The following HDGFL1 variants were observed in gnomAD, a reference collection of about 807,000 sequenced individuals.
HDGFL1 encodes the protein HDGF like 1, also known as hepatoma-derived growth factor-like protein 1.
For synonymous variants in HDGFL1, 190 were observed against 165.1 expected (o/e 1.15, Z -1.16); for missense variants, 422 against 365.3 (o/e 1.16, Z -1.27).
Position 22,571,179 on chromosome 6 carries a change from C to G in HDGFL1, c.*848C>G, listed in dbSNP as rs1760917984. On this transcript the variant is annotated 3_prime_UTR_variant, in exon 1 of 1. Coordinates refer to ENST00000510882, the MANE Select transcript of HDGFL1 (RefSeq NM_138574.4). ...TTCTCTCCCCACAGCCTCAAGGCCA[C>G]CCTACCGTCATATATATCACTCAGG... The G allele has an allele frequency of 6.0e-6, 1 of 167,168 alleles. No homozygotes were observed. The allele number at this position is 167,168 out of a possible 1,614,324, so 10.4% of individuals were successfully genotyped here. A position where few individuals can be genotyped will look rare whatever the true frequency, so the allele number is the denominator to read the frequency against.
chr6:22,570,258 A>T lies in HDGFL1; in HGVS notation c.683A>T (p.Glu228Val). Residue 228 changes from glutamate to valine, a missense_variant, in exon 1 of 1, where the codon GAA becomes GTA. Transcript: ENST00000510882. ...GAGGAGGAGGAGCTCCGGGAGGAAGAAGTCGCGGACGAGGAGGCCTCCCAG... is the reference window on the plus strand; with the variant it reads ...GAGGAGGAGGAGCTCCGGGAGGAAGTAGTCGCGGACGAGGAGGCCTCCCAG... Reference protein sequence around the residue: ...QPEEEELREEEVADEEASQEW... With the variant: ...QPEEEELREEVVADEEASQEW... 2 of 1,548,028 alleles carry T rather than the reference A, an allele frequency of 1.3e-6. No homozygotes were observed. The highest frequency in any genetic ancestry group is 1.7e-6 in the Non-Finnish European group (2 of 1,153,550).
Position 22,569,873 on chromosome 6 carries a change from G to T in HDGFL1, c.298G>T (p.Gly100Cys). The T allele has an allele frequency of 7.6e-6, 12 of 1,587,720 alleles. No homozygotes were observed. The highest frequency in any genetic ancestry group is 1.0e-5 in the Non-Finnish European group (12 of 1,167,182). ...CGACTGCCCATTAGCCTCAGAGAAGGGCAGCGGAGACGGGCCTTGGCCGGA... is the reference window on the plus strand; with the variant it reads ...CGACTGCCCATTAGCCTCAGAGAAGTGCAGCGGAGACGGGCCTTGGCCGGA... ...ASDCPLASEK[G>C]SGDGPWPEPE... is the part of the protein sequence containing the mutation. Residue 100 changes from glycine to cysteine, a missense_variant, in exon 1 of 1, where the codon GGC becomes TGC. Transcript: ENST00000510882.
Position 22,570,462 on chromosome 6 carries a change from T to A in HDGFL1, c.*131T>A, listed in dbSNP as rs1368009161. 6.2e-6 allele frequency: 6 copies of A among 964,670 alleles called. No homozygotes were observed. Among genetic ancestry groups the A allele is most frequent in the Non-Finnish European group, 8.5e-6 (6 of 703,432 alleles). The allele number at this position is 964,670 out of a possible 1,614,324, so 59.8% of individuals were successfully genotyped here. A position where few individuals can be genotyped will look rare whatever the true frequency, so the allele number is the denominator to read the frequency against. ...CAGCCCGTCCTCCTCCAACCCGCGC[T>A]CCTTTGCCCTGCCGGGCCCCAGGAT... On this transcript the variant is annotated 3_prime_UTR_variant, in exon 1 of 1. Transcript: ENST00000510882.
chr6:22,571,350 T>C lies in HDGFL1; in HGVS notation c.*1019T>C. 6.0e-6 allele frequency: 1 copy of C among 167,270 alleles called. No homozygotes were observed. 10.4% of individuals were successfully genotyped at this position (167,270 alleles called of 1,614,324 possible). On this transcript the variant is annotated 3_prime_UTR_variant, in exon 1 of 1. Transcript: ENST00000510882. ...CCATTGCTGAGACAAACTGGAAGGC[T>C]CCCTTTCTGTTTGAAGTTTTATGAC...
At position 22,569,841 on chromosome 6, in the gene HDGFL1, A is replaced by G. The variant is rs770536500; in HGVS notation, c.266A>G (p.Gln89Arg). ...GAAATCGAGAACAACCCCACGGTCC[A>G]GGCCTCCGACTGCCCATTAGCCTCA... ...LWEIENNPTVQASDCPLASEK... is the reference protein window; with the variant it reads ...LWEIENNPTVRASDCPLASEK... The change falls in exon 1 of 1, where the codon CAG (glutamine) becomes CGG (arginine). Residue 89 changes from glutamine to arginine, a missense_variant. Transcript: ENST00000510882. 1.2e-6 allele frequency: 2 copies of G among 1,607,350 alleles called. No individual in the cohort carries two copies. Among genetic ancestry groups the G allele is most frequent in the East Asian group, 2.3e-5 (1 of 44,428 alleles).
chr6:22,569,865 CAG>C, the HDGFL1 span: 1 of 1,592,422 alleles, frequency 6.3e-7, no homozygotes, highest in Non-Finnish European at 8.6e-7. Context: ...CCATTAGCCT[CAG>C]AGAAGGGCAG....
At position 22,570,188 on chromosome 6, in the gene HDGFL1, A is replaced by T. The variant is rs758332670; in HGVS notation, c.613A>T (p.Ser205Cys). 1 of 1,561,870 alleles carries T rather than the reference A, an allele frequency of 6.4e-7. No individual in the cohort carries two copies. Among genetic ancestry groups the T allele is most frequent in the Non-Finnish European group, 8.6e-7 (1 of 1,158,430 alleles). ...GTTCCTCGTGGCGGTGGAGAACGGC[A>T]GCGCCCCTAGCGAGCCGGGCCTGGT... ...SPFLVAVENG[S>C]APSEPGLVCE... Residue 205 changes from serine to cysteine, a missense_variant, in exon 1 of 1, where the codon AGC becomes TGC. Transcript: ENST00000510882.
At position 22,570,117 on chromosome 6, in the gene HDGFL1, GGGCGGCGGCGGCGGCGGC is replaced by G. The variant is rs536582109; in HGVS notation, c.547_564del (p.Ala183_Ala188del). The G allele has an allele frequency of 2.0e-6, 3 of 1,528,444 alleles. No homozygotes were observed. The highest frequency in any genetic ancestry group is 2.6e-6 in the Non-Finnish European group (3 of 1,138,844). The allele number at this position is 1,528,444 out of a possible 1,614,324, so 94.7% of individuals were successfully genotyped here. ...GCGGAGAGGGCGGCGGAAGCGGAGA[GGGCGGCGGCGGCGGCGGC>G]GGCGACGGCCGTCGACGAGGAGAGT... On this transcript the variant is annotated inframe_deletion, in exon 1 of 1. Coordinates refer to ENST00000510882, the MANE Select transcript of HDGFL1 (RefSeq NM_138574.4).
At position 22,570,205 on chromosome 6, in the gene HDGFL1, G is replaced by A; in HGVS notation, c.630G>A (p.Pro210=). 9 of 1,566,746 alleles carry A rather than the reference G, an allele frequency of 5.7e-6. No individual in the cohort carries two copies. The highest frequency in any genetic ancestry group is 1.2e-5 in the South Asian group (1 of 85,636). The part of the protein sequence containing the change: ...AVENGSAPSE[P]GLVCEPPQPE... ...AGAACGGCAGCGCCCCTAGCGAGCC[G>A]GGCCTGGTCTGCGAGCCGCCTCAGC... Residue 210 remains proline (P), a synonymous_variant, in exon 1 of 1, where the codon CCG becomes CCA. Coordinates refer to ENST00000510882, the MANE Select transcript of HDGFL1 (RefSeq NM_138574.4).
chr6:22,569,762 A>C lies in HDGFL1; in HGVS notation c.187A>C (p.Lys63Gln). ...PKRLFPYKEC[K>Q]EKFGKPNKRR... ...ACGCCTGTTCCCGTACAAGGAGTGCAAGGAGAAGTTCGGCAAGCCCAACAA... is the reference window on the plus strand; with the variant it reads ...ACGCCTGTTCCCGTACAAGGAGTGCCAGGAGAAGTTCGGCAAGCCCAACAA... The change falls in exon 1 of 1, where the codon AAG (lysine) becomes CAG (glutamine). Residue 63 changes from lysine to glutamine, a missense_variant. By Grantham distance (53) the Lys-to-Gln change is moderately conservative. Transcript: ENST00000510882. 6.2e-7 allele frequency: 1 copy of C among 1,614,104 alleles called. No homozygotes were observed. Among genetic ancestry groups the C allele is most frequent in the African/African-American group, 1.3e-5 (1 of 75,058 alleles).
In HDGFL1 at chr6:22,569,651, C is replaced by G. The variant is rs1760878574; in HGVS notation, c.76C>G (p.Pro26Ala). The stretch of plus-strand genomic sequence containing the variant: ...CAAGTTAAAGGGCTATGCCCACTGG[C>G]CGGCGAGGATAGAGCACATGACCCA... ...FAKLKGYAHWPARIEHMTQPN... is the reference protein window; with the variant it reads ...FAKLKGYAHWAARIEHMTQPN... The change falls in exon 1 of 1, where the codon CCG becomes GCG. Residue 26 changes from proline to alanine, a missense_variant. Transcript: ENST00000510882. The G allele has an allele frequency of 6.2e-7, 1 of 1,614,078 alleles. No individual in the cohort carries two copies. The highest frequency in any genetic ancestry group is 1.3e-5 in the African/African-American group (1 of 74,954).
rs758350743 is a variant in HDGFL1, at chr6:22,569,705, G to T, written c.130G>T (p.Gly44Trp). The T allele has an allele frequency of 6.2e-7, 1 of 1,614,158 alleles. No homozygotes were observed. Among genetic ancestry groups the T allele is most frequent in the Non-Finnish European group, 8.5e-7 (1 of 1,180,038 alleles). ...CAACCGCTACCAGGTGTTTTTCTTC[G>T]GGACCCACGAGACGGCCTTCCTGAG... Reference protein sequence around the residue: ...QPNRYQVFFFGTHETAFLSPK... With the variant: ...QPNRYQVFFFWTHETAFLSPK... Residue 44 changes from glycine to tryptophan, a missense_variant, in exon 1 of 1, where the codon GGG becomes TGG. Coordinates refer to ENST00000510882, the MANE Select transcript of HDGFL1 (RefSeq NM_138574.4).
rs773320174 is a variant in HDGFL1 at position 22,570,126 on chromosome 6, C to T, written c.551C>T (p.Ala184Val). 6 of 1,527,568 alleles carry T rather than the reference C, an allele frequency of 3.9e-6. No individual in the cohort carries two copies. The highest frequency in any genetic ancestry group is 3.5e-6 in the Non-Finnish European group (4 of 1,140,506). 94.6% of individuals were successfully genotyped at this position (1,527,568 alleles called of 1,614,324 possible). ...ERAAEAERAAAAAAATAVDEE... is the reference protein window; with the variant it reads ...ERAAEAERAAVAAAATAVDEE... ...GCGGCGGAAGCGGAGAGGGCGGCGG[C>T]GGCGGCGGCGGCGACGGCCGTCGAC... The change falls in exon 1 of 1, where the codon GCG (alanine) becomes GTG (valine). Residue 184 changes from alanine to valine, a missense_variant. Ala to Val is a moderately conservative substitution (Grantham distance 64). Transcript: ENST00000510882.
Position 22,570,451 on chromosome 6 carries a change from C to A in HDGFL1, c.*120C>A. 1 of 1,093,372 alleles carries A rather than the reference C, an allele frequency of 9.1e-7. No homozygotes were observed. Among genetic ancestry groups the A allele is most frequent in the Non-Finnish European group, 1.2e-6 (1 of 810,826 alleles). 67.7% of individuals were successfully genotyped at this position (1,093,372 alleles called of 1,614,324 possible). On this transcript the variant is annotated 3_prime_UTR_variant, in exon 1 of 1. Coordinates refer to ENST00000510882, the MANE Select transcript of HDGFL1 (RefSeq NM_138574.4). The stretch of plus-strand genomic sequence containing the variant: ...TTCCCTCTCCTCAGCCCGTCCTCCT[C>A]CAACCCGCGCTCCTTTGCCCTGCCG...
At chr6:22,569,750 T>TA in the HDGFL1 span, 7 of 1,613,946 alleles carry the variant, frequency 4.3e-6, no homozygotes, top group Non-Finnish European at 2.5e-6. Flanking sequence ...CCTGTTCCCG[T>TA]ACAAGGAGTG....
chr6:22,570,074 C>A lies in HDGFL1; in HGVS notation c.499C>A (p.Gln167Lys). 1 of 1,541,564 alleles carries A rather than the reference C, an allele frequency of 6.5e-7. No homozygotes were observed. ...ACGACCCAAGGAGGCAGCCCCCGACCAAGAGGAGGAGGCGGAGGCGGAGAG... is the reference window on the plus strand; with the variant it reads ...ACGACCCAAGGAGGCAGCCCCCGACAAAGAGGAGGAGGCGGAGGCGGAGAG... ...PKRPKEAAPD[Q>K]EEEAEAERAA... The change falls in exon 1 of 1, where the codon CAA becomes AAA. Residue 167 changes from glutamine to lysine, a missense_variant. Gln to Lys is a moderately conservative substitution (Grantham distance 53). Coordinates refer to ENST00000510882, the MANE Select transcript of HDGFL1 (RefSeq NM_138574.4).
chr6:22,569,809 G>A lies in HDGFL1; in HGVS notation c.234G>A (p.Gly78=), dbSNP rs575165027. The stretch of plus-strand genomic sequence containing the variant: ...ACAAGAGGCGCGGCTTCAGCGCGGG[G>A]CTGTGGGAAATCGAGAACAACCCCA... ...KPNKRRGFSA[G]LWEIENNPTV... is the part of the protein sequence containing the mutation. Residue 78 remains glycine (G), a synonymous_variant, in exon 1 of 1, where the codon GGG becomes GGA. Transcript: ENST00000510882. 6.2e-6 allele frequency: 10 copies of A among 1,613,560 alleles called. No individual in the cohort carries two copies. In the South Asian group the frequency reaches 8.8e-5, roughly 14 times the overall value.
At position 22,570,724 on chromosome 6, in the gene HDGFL1, T is replaced by A; in HGVS notation, c.*393T>A. On this transcript the variant is annotated 3_prime_UTR_variant, in exon 1 of 1. Coordinates refer to ENST00000510882, the MANE Select transcript of HDGFL1 (RefSeq NM_138574.4). ...TCTAGACACCCCTCTCCACCCCTCCTGCTTCCCCAGGCATTATGAACCTCT... is the reference window on the plus strand; with the variant it reads ...TCTAGACACCCCTCTCCACCCCTCCAGCTTCCCCAGGCATTATGAACCTCT... The A allele has an allele frequency of 4.9e-6, 1 of 204,154 alleles. No homozygotes were observed. Among genetic ancestry groups the A allele is most frequent in the Non-Finnish European group, 1.1e-5 (1 of 94,082 alleles). The allele number at this position is 204,154 out of a possible 1,614,324, so 12.6% of individuals were successfully genotyped here. A position where few individuals can be genotyped will look rare whatever the true frequency, so the allele number is the denominator to read the frequency against.
Position 22,570,612 on chromosome 6 carries a change from C to G in HDGFL1, c.*281C>G, listed in dbSNP as rs1760908672. The G allele has an allele frequency of 2.7e-6, 1 of 370,132 alleles. No homozygotes were observed. The highest frequency in any genetic ancestry group is 4.8e-6 in the Non-Finnish European group (1 of 207,028). 22.9% of individuals were successfully genotyped at this position (370,132 alleles called of 1,614,324 possible). A position where few individuals can be genotyped will look rare whatever the true frequency, so the allele number is the denominator to read the frequency against. ...CTTCCGGCTCCCTCTTCTCCCCCCTCTACCCGCCACCCCACCCCACCCCAC... is the reference window on the plus strand; with the variant it reads ...CTTCCGGCTCCCTCTTCTCCCCCCTGTACCCGCCACCCCACCCCACCCCAC... On this transcript the variant is annotated 3_prime_UTR_variant, in exon 1 of 1. Coordinates refer to ENST00000510882, the MANE Select transcript of HDGFL1 (RefSeq NM_138574.4).
Sources: gnomAD v4.1 joint callset for allele counts on GRCh38, gnomAD v4.1.1 for gene constraint, MANE v1.5 for transcripts, NCBI Gene and HGNC (gene_info 2026-07-23, HGNC 2026-07-21) for gene names.